BANK1: variants seen among roughly 807,000 people sequenced by gnomAD.
BANK1 encodes the protein B cell scaffold protein with ankyrin repeats 1, also known as B-cell scaffold protein with ankyrin repeats.
BANK1 carries 95 observed loss-of-function variants against 94.5 expected under a neutral mutation model. The ratio of observed to expected loss-of-function variants is 1.00; its 90% CI spans 0.85 to 1.19. BANK1 has a LOEUF of 1.19. BANK1 is among the 50% of genes most tolerant of loss of function. The pLI is 0.00. For missense variants in BANK1, 987 were observed against 932.2 expected (o/e 1.06, Z -0.77); for synonymous variants, 334 against 308.4 (o/e 1.08, Z -0.87).
intron 4 of BANK1, among the ~76,000 whole-genome samples, chr4:101,865,482 T>A (rs1205460327): frequency 1.3e-5 from 2 of 151,980 alleles, no homozygotes; most frequent in Non-Finnish European, 2.9e-5. Context: ...AGAGGAAGGA[T>A]AATCGTGGTG....
chr4:102,067,309 A>ATAAT (rs1243312883), intron 13 of BANK1, among the ~76,000 whole-genome samples: 3 of 152,146 alleles, frequency 2.0e-5, no homozygotes, highest in African/African-American at 7.2e-5. Flanking sequence ...AAGCCATGTC[A>ATAAT]TAATTATATT....
chr4:102,039,141 T>C (rs907600889), intron 10 of BANK1, among the ~76,000 whole-genome samples: 1 of 152,160 alleles, frequency 6.6e-6, no homozygotes, highest in South Asian at 2.1e-4. Context: ...ACGTCTGCCA[T>C]GCAGTAAACT....
At chr4:102,016,480 T>C (rs1726705330) in intron 7 of BANK1, among the ~76,000 whole-genome samples, 1 of 152,160 alleles carries the variant, frequency 6.6e-6, no homozygotes, top group Non-Finnish European at 1.5e-5. Context: ...CTATACCCCC[T>C]CTTCACATTA....
At chr4:101,945,608 G>A (rs529434939) in intron 7 of BANK1, among the ~76,000 whole-genome samples, 7 of 151,942 alleles carry the variant, frequency 4.6e-5, no homozygotes, top group Non-Finnish European at 1.0e-4. Flanking sequence ...CAGCACCAGA[G>A]TGAGTTGAAC....
intron 11 of BANK1, among the ~76,000 whole-genome samples, chr4:102,053,195 G>A (rs978303040): frequency 1.3e-5 from 2 of 152,112 alleles, no homozygotes; most frequent in African/African-American, 2.4e-5. Flanking sequence ...AACTAGAATA[G>A]AAAATACGAT....
chr4:102,022,780 T>A (rs1484632756), intron 8 of BANK1, among the ~76,000 whole-genome samples: 2 of 152,152 alleles, frequency 1.3e-5, no homozygotes, highest in Non-Finnish European at 2.9e-5. Flanking sequence ...CCCATTGTAC[T>A]CATAACCTTT....
intron 7 of BANK1, among the ~76,000 whole-genome samples, chr4:101,935,748 GA>G (rs1286445421): frequency 6.6e-6 from 1 of 151,404 alleles, no homozygotes; most frequent in Non-Finnish European, 1.5e-5. Context: ...TTAATTACCA[GA>G]AATAAATCCA....
intron 7 of BANK1, among the ~76,000 whole-genome samples, chr4:101,925,352 T>G (rs1464084991): frequency 6.6e-6 from 1 of 151,720 alleles, no homozygotes; most frequent in African/African-American, 2.4e-5. Flanking sequence ...TTGTACCAAA[T>G]GCCATAGCTG....
At chr4:101,864,481 C>A (rs951130144) in intron 4 of BANK1, among the ~76,000 whole-genome samples, 11 of 152,082 alleles carry the variant, frequency 7.2e-5, no homozygotes, top group African/African-American at 2.7e-4. Context: ...CAGTAAAGAG[C>A]CCATTTTTAC....
chr4:101,814,504 G>A (rs1215456873), intron 1 of BANK1, among the ~76,000 whole-genome samples: 1 of 152,182 alleles, frequency 6.6e-6, no homozygotes, highest in African/African-American at 2.4e-5. Context: ...ATTTGCTGGT[G>A]AAACTAAAGT....
intron 3 of BANK1, among the ~76,000 whole-genome samples, chr4:101,857,035 A>T (rs1460070763): frequency 6.6e-6 from 1 of 152,108 alleles, no homozygotes; most frequent in African/African-American, 2.4e-5. Context: ...TTACCCACTG[A>T]GTGGAAATCA....
intron 7 of BANK1, among the ~76,000 whole-genome samples, chr4:101,944,639 C>A (rs933533240): frequency 6.6e-6 from 1 of 151,946 alleles, no homozygotes; most frequent in Non-Finnish European, 1.5e-5. Context: ...CTTTCAAGAG[C>A]AGAGCCCTTC....
At chr4:101,931,936 A>G (rs928592521) in intron 7 of BANK1, among the ~76,000 whole-genome samples, 3 of 151,530 alleles carry the variant, frequency 2.0e-5, no homozygotes, top group African/African-American at 7.3e-5. Context: ...ACAATTCAGG[A>G]GTAACTAACT....
intron 7 of BANK1, among the ~76,000 whole-genome samples, chr4:101,930,867 G>T (rs1723314987): frequency 1.3e-5 from 2 of 151,420 alleles, no homozygotes; most frequent in African/African-American, 4.8e-5. Flanking sequence ...CTAACAGTTT[G>T]TCCCACTGCA....
At chr4:101,964,697 G>C (rs1724686007) in intron 7 of BANK1, among the ~76,000 whole-genome samples, 1 of 151,906 alleles carries the variant, frequency 6.6e-6, no homozygotes, top group Non-Finnish European at 1.5e-5. Context: ...CTTAGGGATG[G>C]AGAAGCTCAG....
intron 5 of BANK1, among the ~76,000 whole-genome samples, chr4:101,876,534 A>C (rs1002604010): frequency 6.6e-6 from 1 of 152,196 alleles, no homozygotes; most frequent in Admixed American, 6.5e-5. Context: ...CTTAGATCAC[A>C]ACACACAAGT....
chr4:101,961,823 T>C lies in BANK1; in HGVS notation c.1206+43634T>C, dbSNP rs181209642. On this transcript the variant is annotated intron_variant, in intron 7 of 16. Transcript: ENST00000322953. ...TTTGCCTTACCCTTCATCTCTCAAC[T>C]CTGTCCAATGGGGTCCCTTAAGGAT... Among the ~76,000 whole-genome samples the C allele has an allele frequency of 9.1e-4, 138 of 152,274 alleles. 1 individual carries two copies. The highest frequency in any genetic ancestry group is 3.2e-3 in the African/African-American group (131 of 41,570).
chr4:101,954,172 T>G (rs1724262928), intron 7 of BANK1, among the ~76,000 whole-genome samples: 1 of 152,138 alleles, frequency 6.6e-6, no homozygotes, highest in Non-Finnish European at 1.5e-5. Context: ...CAAGGCTCTC[T>G]TAAAAGGACA....
At chr4:101,897,244 T>C (rs74911893) in intron 6 of BANK1, among the ~76,000 whole-genome samples, 1 of 151,910 alleles carries the variant, frequency 6.6e-6, no homozygotes, top group Non-Finnish European at 1.5e-5. Flanking sequence ...CATACAATGG[T>C]GTGAAGATGG....
Sources: allele counts gnomAD v4.1 joint callset (sites outside exome capture counted in the v4.1 genomes callset), GRCh38; gene constraint gnomAD v4.1.1; transcripts MANE v1.5; gene names NCBI Gene and HGNC (gene_info 2026-07-23, HGNC 2026-07-21).